AKAP13: variants seen among roughly 807,000 people sequenced by gnomAD.
AKAP13 encodes the protein A-kinase anchor protein 13.
In AKAP13, 80 loss-of-function variants were observed where a neutral mutation model predicts 264.5. The ratio of observed to expected loss-of-function variants is 0.30; its 90% CI spans 0.25 to 0.36. AKAP13 has a LOEUF of 0.36. AKAP13 is among the 10% of genes least tolerant of loss of function. AKAP13 has a pLI of 1.00. For missense variants in AKAP13, 3,712 were observed against 3,435.2 expected, an observed-to-expected ratio of 1.08 and a Z score of -2.01; for synonymous variants, 1,380 against 1,250.2, an observed-to-expected ratio of 1.10 and a Z score of -2.19.
chr15:85,534,035 C>G, intron 4 of AKAP13, 155 bp downstream of exon 4: 1 of 773,164 alleles, frequency 1.3e-6, no homozygotes, highest in Non-Finnish European at 2.0e-6. Context: ...TCAATGGCAT[C>G]TCTTCTAGGT....
chr15:85,661,298 G>A (rs992322731), intron 12 of AKAP13, among the ~76,000 whole-genome samples: 1 of 152,132 alleles, frequency 6.6e-6, no homozygotes, highest in Non-Finnish European at 1.5e-5. Context: ...AATGGACACC[G>A]CTACTGGGAT....
At chr15:85,490,303 C>T (rs973435715) in intron 2 of AKAP13, among the ~76,000 whole-genome samples, 3 of 152,180 alleles carry the variant, frequency 2.0e-5, no homozygotes, top group African/African-American at 7.2e-5. Flanking sequence ...GTGTGAGTGA[C>T]AGCTGATGCC....
chr15:85,540,534 G>C (rs539584053), intron 4 of AKAP13, among the ~76,000 whole-genome samples: 4 of 152,228 alleles, frequency 2.6e-5, no homozygotes, highest in African/African-American at 7.2e-5. Context: ...TGTAGGAAAG[G>C]CCATTAGTGA....
intron 1 of AKAP13, chr15:85,381,711 G>T (rs1388625215): frequency 6.6e-6 from 1 of 152,016 alleles, no homozygotes; most frequent in Non-Finnish European, 1.5e-5. Context: ...AATGAAAATT[G>T]GATTGAGCGG....
chr15:85,468,992 G>T (rs2074857208), intron 1 of AKAP13, among the ~76,000 whole-genome samples: 1 of 125,334 alleles, frequency 8.0e-6, no homozygotes. Flanking sequence ...TCAGCTCACT[G>T]CAGCCTCTGC....
At chr15:85,439,205 A>G (rs563899330) in intron 1 of AKAP13, among the ~76,000 whole-genome samples, 10 of 151,646 alleles carry the variant, frequency 6.6e-5, no homozygotes, top group Non-Finnish European at 8.9e-5. Flanking sequence ...TGCAGCCAAA[A>G]AACACATGAA....
chr15:85,684,616 C>A, intron 15 of AKAP13, 125 bp from the exon 16 acceptor site: 1 of 982,776 alleles, frequency 1.0e-6, no homozygotes, highest in Non-Finnish European at 1.5e-6. Context: ...GATAACAGAA[C>A]CTGGGCGTTG....
intron 9 of AKAP13, among the ~76,000 whole-genome samples, chr15:85,643,980 A>G (rs1423824225): frequency 2.6e-5 from 4 of 152,186 alleles, no homozygotes; most frequent in Admixed American, 2.6e-4. Context: ...ATGCCCGTGT[A>G]CTATTTACTA....
At chr15:85,473,749 T>A (rs1284150360) in intron 1 of AKAP13, among the ~76,000 whole-genome samples, 5 of 152,210 alleles carry the variant, frequency 3.3e-5, no homozygotes, top group Non-Finnish European at 5.9e-5. Flanking sequence ...AAGCCCAACC[T>A]CTTGCTAGCC....
chr15:85,726,967 CTT>C (rs1384593675), intron 27 of AKAP13, 97 bp from the exon 28 acceptor site: 1 of 1,343,460 alleles, frequency 7.4e-7, no homozygotes, highest in East Asian at 2.3e-5. Context: ...AAACTATGTG[CTT>C]TTTTAACAGC....
At chr15:85,726,662 AATT>A (rs951826013) in intron 27 of AKAP13, among the ~76,000 whole-genome samples, 176 bp downstream of exon 27, 2 of 152,074 alleles carry the variant, frequency 1.3e-5, no homozygotes, top group African/African-American at 4.8e-5. Flanking sequence ...CTTCCCAAAA[AATT>A]ATTATTCTGT....
intron 30 of AKAP13, among the ~76,000 whole-genome samples, chr15:85,732,783 C>T (rs959052350): frequency 3.3e-5 from 5 of 149,986 alleles, no homozygotes; most frequent in Non-Finnish European, 7.4e-5. Context: ...GTTAGTAATA[C>T]TAATAGTATT....
chr15:85,514,520 T>C (rs1315568498), intron 2 of AKAP13, among the ~76,000 whole-genome samples: 1 of 137,796 alleles, frequency 7.3e-6, no homozygotes, highest in Non-Finnish European at 1.5e-5. Flanking sequence ...GCCAAGTCTC[T>C]GAAGGGACTC....
At chr15:85,554,896 CT>C (rs1285237161) in intron 5 of AKAP13, among the ~76,000 whole-genome samples, 2 of 152,114 alleles carry the variant, frequency 1.3e-5, no homozygotes, top group Non-Finnish European at 2.9e-5. Context: ...CCTTATAAAA[CT>C]TTTTTTGTTT....
chr15:85,664,786 A>G (rs1195934606), intron 13 of AKAP13, 31 bp downstream of exon 13: 3 of 1,587,354 alleles, frequency 1.9e-6, no homozygotes, highest in African/African-American at 2.7e-5. Context: ...ATTTGGAAAA[A>G]ATATATTTCA....
At chr15:85,397,719 T>C (rs1596038289) in intron 1 of AKAP13, among the ~76,000 whole-genome samples, 2 of 152,220 alleles carry the variant, frequency 1.3e-5, no homozygotes, top group Non-Finnish European at 2.9e-5. Flanking sequence ...ATTTTATATA[T>C]ACTTCATTCA....
chr15:85,486,491 C>A (rs1441056413), intron 2 of AKAP13, among the ~76,000 whole-genome samples: 1 of 151,986 alleles, frequency 6.6e-6, no homozygotes, highest in Non-Finnish European at 1.5e-5. Context: ...GTTCCAGCAC[C>A]ATTTGTTGAA....
Position 85,515,450 on chromosome 15 carries a change from A to G in AKAP13, c.34-5978A>G, listed in dbSNP as rs2076569068. Reference sequence around the variant, plus strand: ...AGGTGTTCTTTCATAACCACGGCACAATACCAAAACCAGGAATTTTAACAT... The same window carrying G: ...AGGTGTTCTTTCATAACCACGGCACGATACCAAAACCAGGAATTTTAACAT... On this transcript the variant is annotated intron_variant, in intron 2 of 36. Transcript: ENST00000394518. Among the ~76,000 whole-genome samples, 3 of 138,936 alleles carry G rather than the reference A, an allele frequency of 2.2e-5. No homozygotes were observed. The Admixed American group carries it at 2.2e-4, about 10-fold the overall frequency. 91.1% of individuals were successfully genotyped at this position (138,936 alleles called of 152,430 possible).
At chr15:85,572,298 T>G (rs2078843266) in intron 5 of AKAP13, among the ~76,000 whole-genome samples, 1 of 152,192 alleles carries the variant, frequency 6.6e-6, no homozygotes, top group South Asian at 2.1e-4. Context: ...ATTAAGCAGA[T>G]ATGCCACTAA....
Sources: allele counts gnomAD v4.1 joint callset (sites outside exome capture counted in the v4.1 genomes callset), GRCh38; gene constraint gnomAD v4.1.1; transcripts MANE v1.5; gene names NCBI Gene and HGNC (gene_info 2026-07-23, HGNC 2026-07-21).